PCDHGA4: variants seen among roughly 807,000 people sequenced by gnomAD.
PCDHGA4 encodes protocadherin gamma-A4.
PCDHGA4 carries 38 observed loss-of-function variants against 54.6 expected under a neutral mutation model. The ratio of observed to expected loss-of-function variants is 0.70; its 90% CI spans 0.54 to 0.91. The LOEUF is 0.91. PCDHGA4 is among the 40% of genes least tolerant of loss of function. The pLI is 0.00. For missense variants in PCDHGA4, 1,298 were observed against 1,220.9 expected (o/e 1.06, Z -0.94); for synonymous variants, 511 against 512.9 (o/e 1.00, Z 0.05).
chr5:141,395,343 G>T (rs903122712), intron 1 of PCDHGA4: 1 of 1,396,676 alleles, frequency 7.2e-7, no homozygotes, highest in Non-Finnish European at 9.5e-7. Flanking sequence ...TTTTTAAGGT[G>T]TATCACAGAG....
chr5:141,420,683 G>A (rs1308504595), intron 1 of PCDHGA4, among the ~76,000 whole-genome samples: 1 of 152,190 alleles, frequency 6.6e-6, no homozygotes, highest in Non-Finnish European at 1.5e-5. Context: ...ATTTTATCGG[G>A]ACCGTATTAT....
chr5:141,423,226 G>A lies in PCDHGA4; in HGVS notation c.2514+65605G>A, dbSNP rs775936938. On this transcript the variant is annotated intron_variant, in intron 1 of 3. Coordinates refer to ENST00000571252, the MANE Select transcript of PCDHGA4 (RefSeq NM_018917.4). The stretch of plus-strand genomic sequence containing the variant: ...CGTCACGCTCACCGTGGCTGTGGCC[G>A]ACAGCATCCCCGAAGTCCTGGCGGA... The A allele has an allele frequency of 2.2e-5, 36 of 1,613,708 alleles. No homozygotes were observed. The highest frequency in any genetic ancestry group is 2.6e-5 in the Non-Finnish European group (31 of 1,180,034).
At chr5:141,419,422 C>T (rs374564347) in intron 1 of PCDHGA4, 9 of 1,613,378 alleles carry the variant, frequency 5.6e-6, no homozygotes, top group Non-Finnish European at 7.6e-6. Flanking sequence ...GCGCCTTCGA[C>T]CACGAGCAGC....
intron 1 of PCDHGA4, chr5:141,362,374 A>T (rs1561526644): frequency 6.2e-7 from 1 of 1,614,036 alleles, no homozygotes; most frequent in Admixed American, 1.7e-5. Flanking sequence ...CAGTGAGGGT[A>T]CATTGCCCTA....
intron 1 of PCDHGA4, 146 bp from the exon 2 acceptor site, chr5:141,494,661 G>C (rs2099755951): frequency 6.7e-7 from 1 of 1,492,856 alleles, no homozygotes; most frequent in African/African-American, 1.4e-5. Context: ...TTTGTCTTTG[G>C]AGATGAGTCC....
chr5:141,477,992 G>T lies in PCDHGA4; in HGVS notation c.2515-16815G>T. The T allele has an allele frequency of 6.2e-7, 1 of 1,614,108 alleles. No individual in the cohort carries two copies. Among genetic ancestry groups the T allele is most frequent in the Non-Finnish European group, 8.5e-7 (1 of 1,180,024 alleles). On this transcript the variant is annotated intron_variant, in intron 1 of 3. Transcript: ENST00000571252. The surrounding 1 kb of genome is among the most constrained non-coding windows in gnomAD (Gnocchi z 4.9). Reference sequence around the variant, plus strand: ...CCTTTTTGCCATAGGGCTGCACACTGGTCAAATCAGTACTGCCCGTCCAGT... The same window carrying T: ...CCTTTTTGCCATAGGGCTGCACACTTGTCAAATCAGTACTGCCCGTCCAGT...
intron 1 of PCDHGA4, chr5:141,375,722 T>G (rs1422655230): frequency 6.2e-7 from 1 of 1,614,260 alleles, no homozygotes; most frequent in South Asian, 1.1e-5. Context: ...CAGCAACGTG[T>G]CACTGAGCCT....
At position 141,490,742 on chromosome 5, in the gene PCDHGA4, C is replaced by A. The variant is rs1281337347; in HGVS notation, c.2515-4065C>A. 1.2e-6 allele frequency: 2 copies of A among 1,614,062 alleles called. No homozygotes were observed. Among genetic ancestry groups the A allele is most frequent in the Non-Finnish European group, 1.7e-6 (2 of 1,180,022 alleles). On this transcript the variant is annotated intron_variant, in intron 1 of 3. Coordinates refer to ENST00000571252, the MANE Select transcript of PCDHGA4 (RefSeq NM_018917.4). This position sits in a 1 kb window ranked among gnomAD's most constrained non-coding sequence, Gnocchi z 5.4. ...ATTGTAGGAAATCAGGTTCAGGGAGCCCCAGCCTCCTCCTTTGTGTATGTC... is the reference window on the plus strand; with the variant it reads ...ATTGTAGGAAATCAGGTTCAGGGAGACCCAGCCTCCTCCTTTGTGTATGTC...
chr5:141,359,225 G>A (rs932718388), intron 1 of PCDHGA4, among the ~76,000 whole-genome samples: 4 of 152,074 alleles, frequency 2.6e-5, no homozygotes, highest in Admixed American at 2.6e-4. Context: ...TACATCTGAG[G>A]AGAGATTGTT....
chr5:141,383,787 G>T, intron 1 of PCDHGA4: 1 of 1,613,950 alleles, frequency 6.2e-7, no homozygotes, highest in East Asian at 2.2e-5. Context: ...ATCTGAACTC[G>T]CTTACAGGAG....
Position 141,356,987 on chromosome 5 carries a change from G to A in PCDHGA4, c.1880G>A (p.Arg627Lys), listed in dbSNP as rs146063218. The change falls in exon 1 of 4, where the codon AGA (arginine) becomes AAA (lysine). Residue 627 changes from arginine (R) to lysine (K), a missense_variant. Transcript: ENST00000571252. The stretch of plus-strand genomic sequence containing the variant: ...GTGACCAAAGTGGTGGCAGTGGACA[G>A]AGACTCAGGTCAGAATGCCTGGCTG... Reference protein sequence around the residue: ...YLVTKVVAVDRDSGQNAWLSY... With the variant: ...YLVTKVVAVDKDSGQNAWLSY... The A allele has an allele frequency of 5.2e-3, 8,384 of 1,614,186 alleles. 46 individuals carry two copies. Among genetic ancestry groups the A allele is most frequent in the Admixed American group, 9.4e-3 (566 of 60,032 alleles).
chr5:141,485,867 G>A lies in PCDHGA4; in HGVS notation c.2515-8940G>A. On this transcript the variant is annotated intron_variant, in intron 1 of 3. Coordinates refer to ENST00000571252, the MANE Select transcript of PCDHGA4 (RefSeq NM_018917.4). The surrounding 1 kb of genome is among the most constrained non-coding windows in gnomAD (Gnocchi z 5.7). ...TGGCACCGCAGAGCTCCGGGTATCC[G>A]TGCTGGACGTAAACGACAACGCCCC... The A allele has an allele frequency of 1.9e-6, 3 of 1,614,164 alleles. No homozygotes were observed. Among genetic ancestry groups the A allele is most frequent in the Non-Finnish European group, 8.5e-7 (1 of 1,180,040 alleles).
At position 141,356,550 on chromosome 5, in the gene PCDHGA4, C is replaced by T. The variant is rs954388230; in HGVS notation, c.1443C>T (p.Pro481=). Residue 481 remains proline (P), a synonymous_variant, in exon 1 of 4, where the codon CCC becomes CCT. Coordinates refer to ENST00000571252, the MANE Select transcript of PCDHGA4 (RefSeq NM_018917.4). Reference sequence around the variant, plus strand: ...TGATGGACATCAATGACAACCCACCCACTTTCCCTCATGCTTCCTACTCTG... The same window carrying T: ...TGATGGACATCAATGACAACCCACCTACTTTCCCTCATGCTTCCTACTCTG... ...LQVMDINDNP[P]TFPHASYSAY... 6.2e-7 allele frequency: 1 copy of T among 1,614,172 alleles called. No individual in the cohort carries two copies. The highest frequency in any genetic ancestry group is 8.5e-7 in the Non-Finnish European group (1 of 1,180,018).
intron 1 of PCDHGA4, among the ~76,000 whole-genome samples, chr5:141,407,257 T>C (rs1325198387): frequency 1.3e-5 from 2 of 152,240 alleles, no homozygotes; most frequent in Non-Finnish European, 2.9e-5. Context: ...CTCATATTTT[T>C]AACCATGCAA....
In PCDHGA4 at chr5:141,360,085, C is replaced by T. The variant is rs1314618060; in HGVS notation, c.2514+2464C>T. ...GTGACCTTAGCCCGGATTCTGCCAT[C>T]CCCGGAAGGCTTATTCCTCCTATGG... On this transcript the variant is annotated intron_variant, in intron 1 of 3. Coordinates refer to ENST00000571252, the MANE Select transcript of PCDHGA4 (RefSeq NM_018917.4). 3.3e-6 allele frequency: 5 copies of T among 1,492,600 alleles called. No individual in the cohort carries two copies. The African/African-American group carries it at 5.7e-5, about 17-fold the overall frequency. The allele number at this position is 1,492,600 out of a possible 1,614,324, so 92.5% of individuals were successfully genotyped here.
In PCDHGA4 at chr5:141,511,318, A is replaced by C; in HGVS notation, c.*145A>C. 2 of 1,476,400 alleles carry C rather than the reference A, an allele frequency of 1.4e-6. No homozygotes were observed. Among genetic ancestry groups the C allele is most frequent in the South Asian group, 2.7e-5 (2 of 72,796 alleles). 91.5% of individuals were successfully genotyped at this position (1,476,400 alleles called of 1,614,324 possible). On this transcript the variant is annotated 3_prime_UTR_variant, in exon 4 of 4. Transcript: ENST00000571252. The stretch of plus-strand genomic sequence containing the variant: ...GCCATGCTCCCCTTGGGAAACAGAA[A>C]CAAGTGCCCAGTCAGCACCTACCCC...
Position 141,375,504 on chromosome 5 carries a change from T to A in PCDHGA4, c.2514+17883T>A. The A allele has an allele frequency of 2.5e-6, 4 of 1,614,004 alleles. No homozygotes were observed. The South Asian group carries it at 4.4e-5, about 18-fold the overall frequency. ...CCCAGGGGTGCCTCCATCTTCTCTG[T>A]GAATGCACTGGACCCTGACGTGGAC... On this transcript the variant is annotated intron_variant, in intron 1 of 3. Coordinates refer to ENST00000571252, the MANE Select transcript of PCDHGA4 (RefSeq NM_018917.4).
At chr5:141,407,276 T>C (rs1393118660) in intron 1 of PCDHGA4, among the ~76,000 whole-genome samples, 2 of 152,292 alleles carry the variant, frequency 1.3e-5, no homozygotes, top group East Asian at 3.9e-4. Context: ...AACAAGAAAA[T>C]TGTTACAATT....
chr5:141,449,588 CAAAAAA>C (rs768743917), intron 1 of PCDHGA4, among the ~76,000 whole-genome samples: 1 of 57,492 alleles, frequency 1.7e-5, no homozygotes, highest in Admixed American at 1.8e-4. Flanking sequence ...GACTCTGTCT[CAAAAAA>C]AAAAAAAAAA....
Sources: gnomAD v4.1 joint callset for allele counts (sites outside exome capture counted in the v4.1 genomes callset) on GRCh38, gnomAD v4.1.1 for gene constraint, Gnocchi (gnomAD v3.1) non-coding constraint, MANE v1.5 for transcripts, NCBI Gene and HGNC (gene_info 2026-07-23, HGNC 2026-07-21) for gene names.